SVEP1: variants seen among roughly 807,000 people sequenced by gnomAD.
SVEP1 encodes the protein sushi, von Willebrand factor type A, EGF and pentraxin domain-containing protein 1.
A neutral mutation model predicts 367.3 loss-of-function variants in SVEP1; 164 were observed. The ratio of observed to expected loss-of-function variants is 0.45; its 90% CI spans 0.39 to 0.51. SVEP1 has a LOEUF of 0.51. Among genes scored for constraint, SVEP1 ranks in the 20% least tolerant of loss-of-function variants. The pLI is 0.00. For missense variants in SVEP1, 4,117 were observed against 4,425.3 expected (o/e 0.93, Z 1.98); for synonymous variants, 1,666 against 1,611.6 (o/e 1.03, Z -0.81).
intron 44 of SVEP1, among the ~76,000 whole-genome samples, chr9:110,378,141 T>A (rs1345629826): frequency 6.6e-6 from 1 of 151,888 alleles, no homozygotes; most frequent in African/African-American, 2.4e-5. Flanking sequence ...ATCATCATCA[T>A]CTATCAACAT....
At chr9:110,371,866 C>A (rs555624599) in intron 46 of SVEP1, among the ~76,000 whole-genome samples, 14 of 147,408 alleles carry the variant, frequency 9.5e-5, no homozygotes, top group African/African-American at 3.8e-4. Flanking sequence ...CGCAATGAAT[C>A]TCTCTATTGT....
At position 110,432,581 on chromosome 9, in the gene SVEP1, T is replaced by C; in HGVS notation, c.5114A>G (p.Asp1705Gly). The C allele has an allele frequency of 6.2e-7, 1 of 1,613,832 alleles. No homozygotes were observed. The highest frequency in any genetic ancestry group is 8.5e-7 in the Non-Finnish European group (1 of 1,179,786). Residue 1705 changes from aspartate (D) to glycine (G), a missense_variant, in exon 31 of 48, where the codon GAC becomes GGC. Coordinates refer to ENST00000374469, the MANE Select transcript of SVEP1 (RefSeq NM_153366.4). ...GGTTACTGTGCTGCCAGCATAGAAG[T>C]CATCGGCTGAATGGAAGCCATTCTC... Reference protein sequence around the residue: ...PLENGFHSADDFYAGSTVTYQ... With the variant: ...PLENGFHSADGFYAGSTVTYQ...
At chr9:110,485,612 T>C (rs1380432297) in intron 9 of SVEP1, among the ~76,000 whole-genome samples, 1 of 152,138 alleles carries the variant, frequency 6.6e-6, no homozygotes, top group African/African-American at 2.4e-5. Context: ...AAAGAGGGTG[T>C]ATAGAAAGTA....
chr9:110,431,641 T>C (rs1390359777), intron 32 of SVEP1, among the ~76,000 whole-genome samples: 24 of 152,204 alleles, frequency 1.6e-4, no homozygotes, highest in Admixed American at 1.6e-3. Flanking sequence ...ACTCTATTAT[T>C]CTTGTACTAT....
At position 110,436,488 on chromosome 9, in the gene SVEP1, A is replaced by T; in HGVS notation, c.4656T>A (p.Val1552=). ...GLPIPGGGAL[V]LGQEQDKKGE... ...CTTTTTTGTCTTGCTCTTGCCCCAG[A>T]ACTAACGCACCACCACCTAAGGAGA... The change falls in exon 28 of 48, where the codon GTT becomes GTA. Residue 1552 remains valine (V), a synonymous_variant. Coordinates refer to ENST00000374469, the MANE Select transcript of SVEP1 (RefSeq NM_153366.4). 1.2e-6 allele frequency: 2 copies of T among 1,613,788 alleles called. No homozygotes were observed. The highest frequency in any genetic ancestry group is 1.7e-6 in the Non-Finnish European group (2 of 1,179,824).
intron 6 of SVEP1, among the ~76,000 whole-genome samples, chr9:110,502,652 T>C (rs1253944985): frequency 6.6e-6 from 1 of 152,232 alleles, no homozygotes; most frequent in Non-Finnish European, 1.5e-5. Flanking sequence ...ATTTTTAAGA[T>C]TCACTGGTTC....
Position 110,377,335 on chromosome 9 carries a change from G to A in SVEP1, c.10440C>T (p.Gly3480=). 6.2e-7 allele frequency: 1 copy of A among 1,613,794 alleles called. No individual in the cohort carries two copies. Among genetic ancestry groups the A allele is most frequent in the Non-Finnish European group, 8.5e-7 (1 of 1,179,756 alleles). Residue 3480 remains glycine (G), a synonymous_variant, in exon 45 of 48, where the codon GGC becomes GGT. Transcript: ENST00000374469. ...AVCRFPCQNG[G]ICQRPNACSC... The stretch of plus-strand genomic sequence containing the variant: ...AACAAGCATTTGGGCGTTGGCAGAT[G>A]CCCCCATTCTGACATGGAAATCGAC...
intron 3 of SVEP1, 26 bp downstream of exon 3, chr9:110,546,089 C>A: frequency 6.5e-7 from 1 of 1,548,888 alleles, no homozygotes. Context: ...CAACAGACAA[C>A]TGATATACAC....
intron 3 of SVEP1, among the ~76,000 whole-genome samples, chr9:110,518,204 C>T (rs1484177462): frequency 6.6e-6 from 1 of 152,036 alleles, no homozygotes; most frequent in Admixed American, 6.5e-5. Context: ...GGGCCGATCA[C>T]CTGAGGTCAG....
chr9:110,399,410 C>T (rs923595287), intron 40 of SVEP1, among the ~76,000 whole-genome samples: 5 of 151,792 alleles, frequency 3.3e-5, no homozygotes, highest in Non-Finnish European at 7.4e-5. Context: ...AATGGGTGCA[C>T]CACACCAACA....
At chr9:110,422,810 A>G (rs372610866) in intron 36 of SVEP1, among the ~76,000 whole-genome samples, 2 of 87,486 alleles carry the variant, frequency 2.3e-5, no homozygotes, top group South Asian at 4.4e-4. Context: ...ATGAGTTCAT[A>G]TCCTTTGTAG....
chr9:110,457,121 T>C (rs1236098244), intron 21 of SVEP1, 135 bp downstream of exon 21: 2 of 617,236 alleles, frequency 3.2e-6, no homozygotes, highest in Non-Finnish European at 5.3e-6. Flanking sequence ...GTTTATCTTG[T>C]TCAACAAATT....
At chr9:110,451,495 G>A in intron 22 of SVEP1, 93 bp from the exon 23 acceptor site, 1 of 759,034 alleles carries the variant, frequency 1.3e-6, no homozygotes, top group Non-Finnish European at 2.1e-6. Context: ...ATTGGAATAG[G>A]GAAATTGGAA....
rs566604906 is a variant in SVEP1, at chr9:110,406,340, G to C, written c.9260C>G (p.Thr3087Ser). Residue 3087 changes from threonine (T) to serine (S), a missense_variant, in exon 38 of 48, where the codon ACT (threonine) becomes AGT (serine). Transcript: ENST00000374469. ...GACATATCCAGACCTGCAGCTGTAA[G>C]TTATCACATTTTCCTTCCAAGAGCT... Reference protein sequence around the residue: ...ETSSWKENVITYSCRSGYVIQ... With the variant: ...ETSSWKENVISYSCRSGYVIQ... The C allele has an allele frequency of 3.1e-6, 5 of 1,614,058 alleles. No homozygotes were observed. In the South Asian group the frequency reaches 5.5e-5, roughly 18 times the overall value.
chr9:110,522,572 T>C (rs1829889530), intron 3 of SVEP1, among the ~76,000 whole-genome samples: 3 of 152,204 alleles, frequency 2.0e-5, no homozygotes, highest in Admixed American at 2.0e-4. Flanking sequence ...ACTGTATTGT[T>C]GCATACTTGC....
chr9:110,498,781 CT>C (rs1829488388), intron 7 of SVEP1, among the ~76,000 whole-genome samples: 1 of 152,048 alleles, frequency 6.6e-6, no homozygotes, highest in South Asian at 2.1e-4. Context: ...AGATTTTAGT[CT>C]TATGGAAAAC....
At chr9:110,483,444 T>C in intron 10 of SVEP1, 142 bp downstream of exon 10, 1 of 465,548 alleles carries the variant, frequency 2.1e-6, no homozygotes. Context: ...ATTCTAGCAT[T>C]AAAACATGTT....
Position 110,432,051 on chromosome 9 carries a change from T to A in SVEP1, c.5234-17A>T, listed in dbSNP as rs369300874. ...CATCGACATCTAAAATGAAGACAGC[T>A]TATAAATATTAAAGTTGATTCCTTT... On this transcript the variant is annotated splice_polypyrimidine_tract_variant and intron_variant, in intron 31 of 47. Coordinates refer to ENST00000374469, the MANE Select transcript of SVEP1 (RefSeq NM_153366.4). 1,522 of 1,578,670 alleles carry A rather than the reference T, an allele frequency of 9.6e-4. 7 individuals carry two copies. Among genetic ancestry groups the A allele is most frequent in the Non-Finnish European group, 1.1e-3 (1,265 of 1,166,404 alleles).
chr9:110,557,061 T>C (rs140120618), intron 1 of SVEP1, among the ~76,000 whole-genome samples: 146 of 152,354 alleles, frequency 9.6e-4, no homozygotes, highest in Non-Finnish European at 1.7e-3. Flanking sequence ...CCTTGTCTGT[T>C]AGTTAATATT....
Sources: allele counts gnomAD v4.1 joint callset (sites outside exome capture counted in the v4.1 genomes callset), GRCh38; gene constraint gnomAD v4.1.1; transcripts MANE v1.5; gene names NCBI Gene and HGNC (gene_info 2026-07-23, HGNC 2026-07-21).